PTBP3: variants seen among roughly 807,000 people sequenced by gnomAD.
The protein encoded by PTBP3 is polypyrimidine tract-binding protein 3.
PTBP3 carries 20 observed loss-of-function variants against 58.7 expected under a neutral mutation model. The observed-to-expected ratio is 0.34, with a 90% confidence interval of 0.24 to 0.50. The LOEUF (loss-of-function observed/expected upper bound fraction) is 0.50. PTBP3 is among the 20% of genes least tolerant of loss of function. The pLI is 0.98. For missense variants in PTBP3, 509 were observed against 637.2 expected (o/e 0.80, Z 2.17); for synonymous variants, 185 against 219.8 (o/e 0.84, Z 1.40).
At position 112,224,189 on chromosome 9, in the gene PTBP3, A is replaced by T; in HGVS notation, c.1386T>A (p.Asp462Glu). The change falls in exon 13 of 14, where the codon GAT becomes GAA. Residue 462 changes from aspartate to glutamate, a missense_variant. Transcript: ENST00000374257. ...CAGCTTCTATGAAAAGGTTCTTCAG[A>T]TCATCCACTGTAACAGAAGGGCTGT... is the stretch of plus-strand genomic sequence containing the variant. Reference protein sequence around the residue: ...SNIPPSVTVDDLKNLFIEAGC... With the variant: ...SNIPPSVTVDELKNLFIEAGC... The T allele has an allele frequency of 6.4e-7, 1 of 1,558,138 alleles. No homozygotes were observed. Among genetic ancestry groups the T allele is most frequent in the Non-Finnish European group, 8.6e-7 (1 of 1,160,144 alleles).
intron 7 of PTBP3, 93 bp from the exon 8 acceptor site, chr9:112,234,990 A>T: frequency 2.0e-6 from 2 of 1,019,678 alleles, no homozygotes; most frequent in Non-Finnish European, 2.9e-6. Context: ...GTATATTACT[A>T]ACAAAGAGAT....
chr9:112,267,165 T>C (rs547213748), intron 4 of PTBP3, among the ~76,000 whole-genome samples: 1 of 147,462 alleles, frequency 6.8e-6, no homozygotes, highest in South Asian at 2.1e-4. Context: ...AAAAACCCAC[T>C]TTCTTTTTTT....
At chr9:112,333,140 C>A (rs1436981738) in intron 1 of PTBP3, 13 of 1,244,736 alleles carry the variant, frequency 1.0e-5, no homozygotes, top group Non-Finnish European at 1.3e-5. Flanking sequence ...CCGAGCTGGG[C>A]TCCCCGGACT....
At chr9:112,281,659 T>G (rs1827873416) in intron 2 of PTBP3, among the ~76,000 whole-genome samples, 1 of 152,212 alleles carries the variant, frequency 6.6e-6, no homozygotes, top group Non-Finnish European at 1.5e-5. Flanking sequence ...TCTGATAGAC[T>G]TCATCAATAA....
At chr9:112,274,098 C>A (rs1044671508) in intron 3 of PTBP3, among the ~76,000 whole-genome samples, 3 of 152,136 alleles carry the variant, frequency 2.0e-5, no homozygotes, top group Non-Finnish European at 4.4e-5. Flanking sequence ...ATCTAACTGG[C>A]AGGGATGCAC....
intron 12 of PTBP3, 23 bp from the exon 13 acceptor site, chr9:112,224,233 C>T (rs766059973): frequency 2.1e-6 from 3 of 1,440,612 alleles, no homozygotes; most frequent in Non-Finnish European, 2.8e-6. Context: ...CAGAGGGAGT[C>T]AACTACCTGG....
chr9:112,369,157 G>C, the PTBP3 span, among the ~76,000 whole-genome samples: 12 of 152,370 alleles, frequency 7.9e-5, no homozygotes, highest in Admixed American at 2.6e-4. Context: ...TGCTAGGGCA[G>C]TGTGGAAGGG....
chr9:112,348,476 C>G, the PTBP3 span, among the ~76,000 whole-genome samples: 1 of 152,208 alleles, frequency 6.6e-6, no homozygotes, highest in Admixed American at 6.5e-5. Flanking sequence ...AAAAAAATGC[C>G]TCAGATGAGC....
rs1835590079 is a variant in PTBP3 at position 112,239,963 on chromosome 9, CAG to C, written c.803-5068_803-5067del. 3.3e-5 allele frequency among the ~76,000 whole-genome samples: 5 copies of C among 151,788 alleles called. No homozygotes were observed. In the South Asian group the frequency reaches 1.0e-3, roughly 32 times the overall value. On this transcript the variant is annotated intron_variant, in intron 7 of 13. Transcript: ENST00000374257. ...GAAGGCAGATGAGAAAAATCTCTCT[CAG>C]TGTACCTGGGAGAAAAGTACTCCAG...
intron 1 of PTBP3, among the ~76,000 whole-genome samples, chr9:112,307,609 AC>A (rs1810027319): frequency 1.3e-5 from 2 of 152,358 alleles, no homozygotes; most frequent in South Asian, 4.1e-4. Flanking sequence ...AACATGAAAA[AC>A]AAAAGACAAA....
chr9:112,258,459 C>A (rs1836463109), intron 5 of PTBP3, among the ~76,000 whole-genome samples: 1 of 152,170 alleles, frequency 6.6e-6, no homozygotes, highest in Non-Finnish European at 1.5e-5. Flanking sequence ...TTATCATCTC[C>A]CACTTGAATA....
intron 3 of PTBP3, among the ~76,000 whole-genome samples, chr9:112,272,175 A>T (rs1318119581): frequency 6.6e-6 from 1 of 151,640 alleles, no homozygotes; most frequent in African/African-American, 2.4e-5. Flanking sequence ...CAATCCTCCC[A>T]TCTCAGCCTC....
At chr9:112,241,548 A>C (rs1349562764) in intron 7 of PTBP3, among the ~76,000 whole-genome samples, 1 of 152,138 alleles carries the variant, frequency 6.6e-6, no homozygotes, top group African/African-American at 2.4e-5. Flanking sequence ...TTAGATACAC[A>C]AATACTTACC....
the PTBP3 span, among the ~76,000 whole-genome samples, chr9:112,339,831 G>A: frequency 1.3e-5 from 2 of 152,074 alleles, no homozygotes; most frequent in Non-Finnish European, 2.9e-5. Flanking sequence ...CTCCCAAAGT[G>A]CTGGGATTAC....
At chr9:112,349,631 G>C in the PTBP3 span, among the ~76,000 whole-genome samples, 1 of 151,910 alleles carries the variant, frequency 6.6e-6, no homozygotes, top group East Asian at 1.9e-4. Context: ...GGCTGAGGCG[G>C]GTGGATCACC....
Position 112,234,855 on chromosome 9 carries a change from C to T in PTBP3, c.845G>A (p.Gly282Glu), listed in dbSNP as rs1462028643. Residue 282 changes from glycine to glutamate, a missense_variant, in exon 8 of 14, where the codon GGA becomes GAA. Physicochemically the swap from Gly to Glu is moderately conservative, Grantham distance 98. This residue lies in a region of PTBP3 where 121 missense variants were observed against 114.8 expected (regional missense o/e 1.05). Coordinates refer to ENST00000374257, the MANE Select transcript of PTBP3 (RefSeq NM_001163788.4). ...AGGAAATCCAATGGCTGGGGCAAAT[C>T]CAGCAGCCCCTGCATATGGTGAAGA... ...IISSPYAGAAGFAPAIGFPQA... is the reference protein window; with the variant it reads ...IISSPYAGAAEFAPAIGFPQA... The T allele has an allele frequency of 6.2e-7, 1 of 1,613,080 alleles. No individual in the cohort carries two copies. Among genetic ancestry groups the T allele is most frequent in the Non-Finnish European group, 8.5e-7 (1 of 1,179,324 alleles).
intron 2 of PTBP3, among the ~76,000 whole-genome samples, chr9:112,290,738 A>ACACACACACACACACT (rs1564438731): frequency 2.0e-5 from 3 of 148,490 alleles, no homozygotes; most frequent in African/African-American, 7.5e-5. Flanking sequence ...ACACACACAC[A>ACACACACACACACACT]ATCAAGTGTT....
At chr9:112,224,027 T>C (rs1421362526) in intron 13 of PTBP3, 44 bp from the exon 14 acceptor site, 1 of 1,592,464 alleles carries the variant, frequency 6.3e-7, no homozygotes, top group African/African-American at 1.4e-5. Flanking sequence ...AGAATGAATT[T>C]TGCTTCCAAA....
At chr9:112,307,124 T>C (rs528718227) in intron 1 of PTBP3, among the ~76,000 whole-genome samples, 3 of 152,358 alleles carry the variant, frequency 2.0e-5, no homozygotes, top group South Asian at 4.1e-4. Flanking sequence ...GAATTGCTAT[T>C]TTTATTGTCT....
Sources: allele counts gnomAD v4.1 joint callset (sites outside exome capture counted in the v4.1 genomes callset), GRCh38; gene constraint gnomAD v4.1.1; regional missense constraint gnomAD v4.1.1; transcripts MANE v1.5; gene names NCBI Gene and HGNC (gene_info 2026-07-23, HGNC 2026-07-21).